Variants in ITPK1 observed in about 807,000 individuals in gnomAD.
The protein encoded by ITPK1 is inositol-tetrakisphosphate 1-kinase, also known as inositol 1,3,4-trisphosphate 5/6-kinase.
In ITPK1, 21 loss-of-function variants were observed where a neutral mutation model predicts 45.3. The observed-to-expected ratio is 0.46, with a 90% confidence interval of 0.33 to 0.67. The LOEUF (loss-of-function observed/expected upper bound fraction) is 0.67. Among genes scored for constraint, ITPK1 ranks in the 30% least tolerant of loss-of-function variants. The pLI is 0.02. For synonymous variants in ITPK1, 258 were observed against 253.6 expected (o/e 1.02, Z -0.16); for missense variants, 474 against 573.5 (o/e 0.83, Z 1.77).
chr14:93,024,903 G>A (rs1040093221), intron 3 of ITPK1, among the ~76,000 whole-genome samples: 3 of 152,144 alleles, frequency 2.0e-5, no homozygotes, highest in Non-Finnish European at 4.4e-5. Context: ...CTGGCTAGAC[G>A]TCCTTTCCTG....
chr14:92,998,916 T>C (rs1887192790), intron 4 of ITPK1: 1 of 152,240 alleles, frequency 6.6e-6, no homozygotes, highest in Admixed American at 6.5e-5. Flanking sequence ...GGACTTGCTA[T>C]ATGCACACTG....
intron 3 of ITPK1, among the ~76,000 whole-genome samples, chr14:93,019,191 C>T (rs1036563777): frequency 1.3e-5 from 2 of 152,212 alleles, no homozygotes; most frequent in Admixed American, 6.5e-5. Flanking sequence ...AGCCGGGCCA[C>T]AGGAGCGACG....
chr14:92,993,796 C>A, intron 5 of ITPK1, 84 bp downstream of exon 5: 1 of 827,406 alleles, frequency 1.2e-6, no homozygotes, highest in South Asian at 1.4e-5. Flanking sequence ...CAAGACCCCT[C>A]TGTCTCCACA....
intron 7 of ITPK1, among the ~76,000 whole-genome samples, chr14:92,962,120 C>T (rs1326783994): frequency 2.0e-5 from 3 of 152,234 alleles, no homozygotes; most frequent in Admixed American, 6.5e-5. Context: ...GCACATCCTC[C>T]TGCCTTAGGG....
At chr14:92,993,608 C>T (rs78667258) in intron 5 of ITPK1, among the ~76,000 whole-genome samples, 2 of 152,314 alleles carry the variant, frequency 1.3e-5, no homozygotes, top group East Asian at 3.9e-4. Flanking sequence ...GTTACCGGGA[C>T]ACTTCAATGT....
chr14:93,092,383 C>T (rs752774213), intron 2 of ITPK1, among the ~76,000 whole-genome samples: 4 of 152,216 alleles, frequency 2.6e-5, no homozygotes, highest in Non-Finnish European at 5.9e-5. Flanking sequence ...AAGCCAGGCG[C>T]TCTGACTCCC....
intron 10 of ITPK1, among the ~76,000 whole-genome samples, chr14:92,943,632 C>T (rs955299266): frequency 1.3e-5 from 2 of 152,340 alleles, no homozygotes; most frequent in South Asian, 2.1e-4. Context: ...CCCCAGACAA[C>T]GCCCAGTGGC....
chr14:93,005,904 CAA>C (rs35527507), intron 4 of ITPK1, among the ~76,000 whole-genome samples: 2 of 152,134 alleles, frequency 1.3e-5, no homozygotes, highest in Non-Finnish European at 2.9e-5. Context: ...AGGCTGCCTG[CAA>C]AAGACTAAGA....
At chr14:92,946,299 CGGT>C in intron 10 of ITPK1, 29 bp downstream of exon 10, 1 of 1,610,414 alleles carries the variant, frequency 6.2e-7, no homozygotes, top group South Asian at 1.1e-5. Flanking sequence ...CTCTGGAGGC[CGGT>C]CAGTGGAGGT....
intron 2 of ITPK1, among the ~76,000 whole-genome samples, chr14:93,096,456 C>T (rs1245156979): frequency 6.6e-6 from 1 of 152,248 alleles, no homozygotes; most frequent in African/African-American, 2.4e-5. Context: ...CCATCTTGGC[C>T]ATCACTTGGC....
intron 2 of ITPK1, among the ~76,000 whole-genome samples, chr14:93,089,562 A>C (rs1163383559): frequency 6.6e-6 from 1 of 152,074 alleles, no homozygotes; most frequent in Non-Finnish European, 1.5e-5. Context: ...AGTAGGGCTA[A>C]TGTTTTAGGA....
At chr14:92,965,776 G>T (rs980125468) in intron 5 of ITPK1, among the ~76,000 whole-genome samples, 1 of 152,170 alleles carries the variant, frequency 6.6e-6, no homozygotes, top group African/African-American at 2.4e-5. Flanking sequence ...GGCCAAAGCA[G>T]GCGGATCACC....
intron 2 of ITPK1, among the ~76,000 whole-genome samples, chr14:93,087,095 T>C (rs1028793839): frequency 6.6e-6 from 1 of 152,220 alleles, no homozygotes; most frequent in Non-Finnish European, 1.5e-5. Context: ...ACAACAGTAG[T>C]GGCTAAAAAC....
chr14:93,034,046 G>C lies in ITPK1; in HGVS notation c.121-17245C>G, dbSNP rs1443819576. ...TCCAAACTCAGGAATGGGGGAGAAA[G>C]AGTGGGCTCTGATGCTGGGAGCCCC... On this transcript the variant is annotated intron_variant, in intron 3 of 10. Transcript: ENST00000267615. This position sits in a 1 kb window ranked among gnomAD's most constrained non-coding sequence, Gnocchi z 4.1. Among the ~76,000 whole-genome samples the C allele has an allele frequency of 6.6e-6, 1 of 152,130 alleles. No homozygotes were observed. Among genetic ancestry groups the C allele is most frequent in the African/African-American group, 2.4e-5 (1 of 41,420 alleles).
chr14:93,020,839 A>G (rs59412011), intron 3 of ITPK1, among the ~76,000 whole-genome samples: 8,365 of 152,170 alleles, frequency 0.055, 436 homozygotes, highest in African/African-American at 0.13. Flanking sequence ...TCCCAGCACT[A>G]GCACCCAGCT....
chr14:93,066,993 C>T (rs997966686), intron 3 of ITPK1, among the ~76,000 whole-genome samples: 23 of 152,122 alleles, frequency 1.5e-4, no homozygotes, highest in Non-Finnish European at 2.9e-4. Flanking sequence ...TGTTTGCATC[C>T]GAGTTTCTCC....
intron 4 of ITPK1, among the ~76,000 whole-genome samples, chr14:93,002,249 G>A (rs186144918): frequency 6.6e-6 from 1 of 152,328 alleles, no homozygotes; most frequent in East Asian, 1.9e-4. Context: ...GCTGAGGTGG[G>A]AGAATCACTT....
intron 10 of ITPK1, among the ~76,000 whole-genome samples, chr14:92,942,765 C>A (rs1484521263): frequency 6.6e-6 from 1 of 152,216 alleles, no homozygotes; most frequent in Non-Finnish European, 1.5e-5. Context: ...AAGCAGGTTT[C>A]GGATCTCAGG....
At chr14:92,946,750 A>G (rs1297789258) in intron 9 of ITPK1, among the ~76,000 whole-genome samples, 1 of 152,262 alleles carries the variant, frequency 6.6e-6, no homozygotes, top group African/African-American at 2.4e-5. Flanking sequence ...AGCACTGCAC[A>G]TTACACACAG....
Sources: allele counts gnomAD v4.1 joint callset (sites outside exome capture counted in the v4.1 genomes callset), GRCh38; gene constraint gnomAD v4.1.1; non-coding constraint Gnocchi (gnomAD v3.1); transcripts MANE v1.5; gene names NCBI Gene and HGNC (gene_info 2026-07-23, HGNC 2026-07-21).